The following EML2 variants were observed in gnomAD, a reference collection of about 807,000 sequenced individuals.
EML2 encodes echinoderm microtubule-associated protein-like 2.
Under a neutral mutation model 84.7 loss-of-function variants are expected in EML2, and 59 were observed. The ratio of observed to expected loss-of-function variants is 0.70; its 90% CI spans 0.56 to 0.86. The LOEUF (loss-of-function observed/expected upper bound fraction) is 0.86. Ranked by LOEUF, EML2 falls within the 40% of genes least tolerant of loss-of-function variation. EML2 has a pLI of 0.00. For synonymous variants in EML2, 352 were observed against 348.9 expected, an observed-to-expected ratio of 1.01 and a Z score of -0.10; for missense variants, 818 against 855.6, an observed-to-expected ratio of 0.96 and a Z score of 0.55.
intron 3 of EML2, among the ~76,000 whole-genome samples, chr19:45,636,814 T>TCA (rs1973777809): frequency 6.6e-6 from 1 of 152,254 alleles, no homozygotes; most frequent in East Asian, 1.9e-4. Context: ...TAGCCAGGCA[T>TCA]GGTGGCCCAT....
intron 4 of EML2, among the ~76,000 whole-genome samples, chr19:45,633,666 G>A (rs1170302726): frequency 1.3e-5 from 2 of 152,066 alleles, no homozygotes; most frequent in African/African-American, 2.4e-5. Flanking sequence ...TTGAACCCAG[G>A]AGCGGAGGTT....
chr19:45,624,818 T>G lies in EML2; in HGVS notation c.742A>C (p.Lys248Gln). 1 of 1,609,418 alleles carries G rather than the reference T, an allele frequency of 6.2e-7. No homozygotes were observed. The change falls in exon 9 of 19, where the codon AAA (lysine) becomes CAA (glutamine). Residue 248 changes from lysine (K) to glutamine (Q), a missense_variant and splice_region_variant. Coordinates refer to ENST00000245925, the MANE Select transcript of EML2 (RefSeq NM_012155.4). ...AGCACATACTTCGGTTTCTCATGTT[T>G]CTAAGGTGGGGGAGGAAAGGAAGGT... ...SLSKRQGLFE[K>Q]HEKPKYVLCV...
intron 15 of EML2, chr19:45,616,210 T>A (rs1971044643): frequency 7.5e-6 from 3 of 401,734 alleles, no homozygotes; most frequent in Non-Finnish European, 1.3e-5. Flanking sequence ...TCTCGGAACG[T>A]GAGGGGCGGT....
intron 3 of EML2, among the ~76,000 whole-genome samples, chr19:45,635,770 T>G (rs2122781214): frequency 6.6e-6 from 1 of 150,762 alleles, no homozygotes; most frequent in African/African-American, 2.4e-5. Context: ...TTTTGTATTT[T>G]TAGTAGAGAA....
upstream of EML2, among the ~76,000 whole-genome samples, chr19:45,644,539 G>T (rs1974883279): frequency 6.6e-6 from 1 of 152,018 alleles, no homozygotes. Flanking sequence ...GCACTGTCAG[G>T]CCTTGGCCAG....
intron 18 of EML2, 78 bp from the exon 19 acceptor site, chr19:45,609,866 C>G: frequency 6.6e-7 from 1 of 1,514,374 alleles, no homozygotes; most frequent in Non-Finnish European, 8.8e-7. Context: ...TGTCTTGACC[C>G]GGTTCTTTTC....
chr19:45,643,741 C>T, upstream of EML2: 1 of 1,523,140 alleles, frequency 6.6e-7, no homozygotes, highest in Non-Finnish European at 8.8e-7. Context: ...GCCGCCGCTC[C>T]TCCCTCCTTC....
intron 17 of EML2, 77 bp from the exon 18 acceptor site, chr19:45,613,748 A>G (rs1267982025): frequency 1.9e-6 from 3 of 1,557,314 alleles, no homozygotes; most frequent in Non-Finnish European, 2.6e-6. Context: ...TTGCCACTCC[A>G]GCCACCTTAA....
At chr19:45,620,512 C>A (rs1971560067) in intron 11 of EML2, among the ~76,000 whole-genome samples, 1 of 151,504 alleles carries the variant, frequency 6.6e-6, no homozygotes, top group Non-Finnish European at 1.5e-5. Flanking sequence ...AGTTTGAGAC[C>A]AGCCTGACCA....
chr19:45,626,536 T>TGG (rs1396190023), intron 8 of EML2, among the ~76,000 whole-genome samples, 169 bp downstream of exon 8: 2 of 151,886 alleles, frequency 1.3e-5, no homozygotes, highest in South Asian at 2.1e-4. Context: ...AGAGTTAAGG[T>TGG]GGATCATCAC....
rs766712004 is a variant in EML2 at position 45,626,839 on chromosome 19, A to G, written c.607T>C (p.Cys203Arg). The G allele has an allele frequency of 6.2e-7, 1 of 1,609,814 alleles. No homozygotes were observed. The highest frequency in any genetic ancestry group is 8.5e-7 in the Non-Finnish European group (1 of 1,177,866). The change falls in exon 8 of 19, where the codon TGC becomes CGC. Residue 203 changes from cysteine to arginine, a missense_variant and splice_region_variant. Physicochemically the swap from Cys to Arg is radical, Grantham distance 180. Transcript: ENST00000245925. ...AKETKVVDVK[C>R]SNEAVLVATF... ...GCCACCAATACAGCCTCATTGGAGCACTTTGGGGGGTGGGGGAGATTCTGA... is the reference window on the plus strand; with the variant it reads ...GCCACCAATACAGCCTCATTGGAGCGCTTTGGGGGGTGGGGGAGATTCTGA...
chr19:45,645,266 G>T (rs1849525638), upstream of EML2: 2 of 1,533,238 alleles, frequency 1.3e-6, no homozygotes, highest in Admixed American at 3.9e-5. Context: ...CTGAGGAGGG[G>T]TCTCACCGTT....
chr19:45,614,733 T>C (rs764254242), intron 16 of EML2, 33 bp from the exon 17 acceptor site: 1 of 1,546,516 alleles, frequency 6.5e-7, no homozygotes, highest in Non-Finnish European at 8.9e-7. Flanking sequence ...ACATTCAGAG[T>C]TGGAAGAACT....
At chr19:45,633,204 G>T (rs563869472) in intron 4 of EML2, 65 bp from the exon 5 acceptor site, 3 of 1,504,162 alleles carry the variant, frequency 2.0e-6, no homozygotes, top group African/African-American at 1.4e-5. Context: ...AGAGACCCAG[G>T]ACATTCATTC....
Position 45,621,600 on chromosome 19 carries a change from G to C in EML2, c.879C>G (p.His293Gln). 6.2e-7 allele frequency: 1 copy of C among 1,610,514 alleles called. No homozygotes were observed. Among genetic ancestry groups the C allele is most frequent in the Non-Finnish European group, 8.5e-7 (1 of 1,179,758 alleles). ...NRITQAVLGA[H>Q]DGGVFGLCAL... ...CGCAGAGCCCAAACACGCCGCCGTC[G>C]TGGGCGCCCAGCACCGCCTGTGTGA... Residue 293 changes from histidine to glutamine, a missense_variant, in exon 10 of 19, where the codon CAC becomes CAG. By Grantham distance (24) the His-to-Gln change is conservative. Transcript: ENST00000245925.
At chr19:45,616,970 G>T in intron 13 of EML2, 117 bp from the exon 14 acceptor site, 1 of 747,936 alleles carries the variant, frequency 1.3e-6, no homozygotes. Flanking sequence ...CCTGGGCTGG[G>T]CACGGTGGCT....
chr19:45,633,248 G>C, intron 4 of EML2, 109 bp from the exon 5 acceptor site: 2 of 1,047,820 alleles, frequency 1.9e-6, no homozygotes, highest in Non-Finnish European at 2.9e-6. Context: ...GTCAATAAAC[G>C]TGTATTTAGT....
chr19:45,637,208 G>T (rs1014642645), intron 3 of EML2, among the ~76,000 whole-genome samples: 15 of 152,218 alleles, frequency 9.9e-5, no homozygotes, highest in African/African-American at 3.6e-4. Flanking sequence ...CCAAGGCCCA[G>T]AGAGAAGCAG....
Position 45,614,614 on chromosome 19 carries a change from C to G in EML2, c.1684G>C (p.Gly562Arg), listed in dbSNP as rs1227986029. Residue 562 changes from glycine to arginine, a missense_variant, in exon 17 of 19, where the codon GGG becomes CGG. Gly to Arg is a moderately radical substitution (Grantham distance 125). Transcript: ENST00000245925. ...TCATTCCAGAACTCACCAAACACCC[C>G]AAACCCTAGGACACAAGTAGCTGTG... Reference protein sequence around the residue: ...WATATCVLGFGVFGIWSEGAD... With the variant: ...WATATCVLGFRVFGIWSEGAD... 6.2e-7 allele frequency: 1 copy of G among 1,613,882 alleles called. No individual in the cohort carries two copies. Among genetic ancestry groups the G allele is most frequent in the African/African-American group, 1.3e-5 (1 of 74,934 alleles).
Sources: allele counts gnomAD v4.1 joint callset (sites outside exome capture counted in the v4.1 genomes callset), GRCh38; gene constraint gnomAD v4.1.1; transcripts MANE v1.5; gene names NCBI Gene and HGNC (gene_info 2026-07-23, HGNC 2026-07-21).